Variants in ALDH1A2 observed in about 807,000 individuals in gnomAD.
ALDH1A2 encodes the protein aldehyde dehydrogenase 1 family member A2.
Under a neutral mutation model 60.3 loss-of-function variants are expected in ALDH1A2, and 27 were observed. The observed-to-expected ratio is 0.45, with a 90% CI of 0.33 to 0.62. The LOEUF is 0.62. Among genes scored for constraint, ALDH1A2 ranks in the 20% least tolerant of loss-of-function variants. The pLI, the probability that ALDH1A2 is intolerant of heterozygous loss-of-function variation, is 0.02. For synonymous variants in ALDH1A2, 289 were observed against 232.4 expected, an observed-to-expected ratio of 1.24 and a Z score of -2.21; for missense variants, 581 against 643.8, an observed-to-expected ratio of 0.90 and a Z score of 1.06.
intron 1 of ALDH1A2, among the ~76,000 whole-genome samples, chr15:58,032,418 A>T (rs1249738018): frequency 1.3e-5 from 2 of 152,166 alleles, no homozygotes; most frequent in Non-Finnish European, 1.5e-5. Flanking sequence ...TGAGTAGTTA[A>T]TGGGTGCAGC....
chr15:57,965,864 C>T, intron 7 of ALDH1A2, 37 bp from the exon 8 acceptor site: 1 of 1,553,004 alleles, frequency 6.4e-7, no homozygotes, highest in Non-Finnish European at 8.9e-7. Flanking sequence ...TTTGCAAATC[C>T]TGCAGGTGAG....
At position 57,962,036 on chromosome 15, in the gene ALDH1A2, A is replaced by G; in HGVS notation, c.1227T>C (p.Asp409=). ...CCTCCTCCTTGGCAATCCGCATATCATCAGTGACGTTGGAAAACACTGTGG... is the reference window on the plus strand; with the variant it reads ...CCTCCTCCTTGGCAATCCGCATATCGTCAGTGACGTTGGAAAACACTGTGG... The part of the protein sequence containing the change: ...IEPTVFSNVT[D]DMRIAKEEIF... The change falls in exon 10 of 13, where the codon GAT becomes GAC. Residue 409 remains aspartate (D), a synonymous_variant. Coordinates refer to ENST00000249750, the MANE Select transcript of ALDH1A2 (RefSeq NM_003888.4). 12 of 1,614,156 alleles carry G rather than the reference A, an allele frequency of 7.4e-6. No individual in the cohort carries two copies. The highest frequency in any genetic ancestry group is 1.0e-5 in the Non-Finnish European group (12 of 1,180,000).
Position 58,037,489 on chromosome 15 carries a change from T to C in ALDH1A2, c.118-23208A>G, listed in dbSNP as rs142890512. On this transcript the variant is annotated intron_variant, in intron 1 of 12. Transcript: ENST00000249750. Reference sequence around the variant, plus strand: ...GGCATTCAATACTTAAACTATTCAATGTTGAATAACTAGCTTTATTTTTTT... The same window carrying C: ...GGCATTCAATACTTAAACTATTCAACGTTGAATAACTAGCTTTATTTTTTT... 2.4e-3 allele frequency among the ~76,000 whole-genome samples: 361 copies of C among 151,838 alleles called. 1 individual carries two copies. Among genetic ancestry groups the C allele is most frequent in the African/African-American group, 8.4e-3 (348 of 41,506 alleles).
rs1184710982 is a variant in ALDH1A2 at position 57,955,203 on chromosome 15, GTTC to G, written c.1548_1550del (p.Lys516del). The G allele has an allele frequency of 6.2e-7, 1 of 1,614,150 alleles. No homozygotes were observed. Among genetic ancestry groups the G allele is most frequent in the East Asian group, 2.2e-5 (1 of 44,864 alleles). On this transcript the variant is annotated inframe_deletion, in exon 13 of 13. Coordinates refer to ENST00000249750, the MANE Select transcript of ALDH1A2 (RefSeq NM_003888.4). ...ATCCTCCTTCTTGGCCTTCTTAGGA[GTTC>G]TTCTGGGGGATCTTTACTGTCACCG...
At chr15:58,023,883 G>T (rs1470716278) in intron 1 of ALDH1A2, among the ~76,000 whole-genome samples, 1 of 152,074 alleles carries the variant, frequency 6.6e-6, no homozygotes, top group Non-Finnish European at 1.5e-5. Context: ...CCTGAGGTTG[G>T]GAGCTCAAGA....
At chr15:57,956,732 A>G (rs1236917014) in intron 12 of ALDH1A2, among the ~76,000 whole-genome samples, 1 of 152,116 alleles carries the variant, frequency 6.6e-6, no homozygotes, top group Admixed American at 6.5e-5. Flanking sequence ...TCCTTGGGCA[A>G]TTCTGAATGT....
At chr15:58,014,710 T>C (rs748555147) in intron 1 of ALDH1A2, among the ~76,000 whole-genome samples, 6 of 152,220 alleles carry the variant, frequency 3.9e-5, no homozygotes, top group Non-Finnish European at 5.9e-5. Flanking sequence ...TCAAGGAAAC[T>C]TGAATGGTGC....
chr15:57,982,381 A>G lies in ALDH1A2; in HGVS notation c.798+10324T>C, dbSNP rs35514555. Among the ~76,000 whole-genome samples, 1,237 of 152,322 alleles carry G rather than the reference A, an allele frequency of 8.1e-3. 21 individuals carry two copies. The highest frequency in any genetic ancestry group is 0.028 in the African/African-American group (1,168 of 41,572). ...ATTCCTTTAGTATGATTTGAAGACT[A>G]TGTTCAAAACTTACTGAAAAAGTGA... On this transcript the variant is annotated intron_variant, in intron 7 of 12. Coordinates refer to ENST00000249750, the MANE Select transcript of ALDH1A2 (RefSeq NM_003888.4).
chr15:57,985,477 G>T (rs1894666128), intron 7 of ALDH1A2, among the ~76,000 whole-genome samples: 1 of 152,126 alleles, frequency 6.6e-6, no homozygotes. Flanking sequence ...TGAGAAACAG[G>T]TATGTATGCT....
chr15:58,035,094 CT>C (rs1250770970), intron 1 of ALDH1A2, among the ~76,000 whole-genome samples: 1 of 151,558 alleles, frequency 6.6e-6, no homozygotes, highest in African/African-American at 2.4e-5. Flanking sequence ...TTAGTGCTTT[CT>C]TTTTTGAAAG....
intron 7 of ALDH1A2, among the ~76,000 whole-genome samples, chr15:57,988,127 AAAC>A (rs1346696159): frequency 6.6e-6 from 1 of 152,210 alleles, no homozygotes; most frequent in African/African-American, 2.4e-5. Context: ...TTTAAAACAA[AAAC>A]AGCAGCAATG....
chr15:58,005,586 AC>A (rs1363138293), intron 4 of ALDH1A2, among the ~76,000 whole-genome samples: 1 of 152,044 alleles, frequency 6.6e-6, no homozygotes, highest in African/African-American at 2.4e-5. Context: ...TGAGTGAAAG[AC>A]ATAATGGCTT....
intron 7 of ALDH1A2, among the ~76,000 whole-genome samples, chr15:57,972,422 C>G (rs1422060420): frequency 6.6e-6 from 1 of 152,194 alleles, no homozygotes; most frequent in African/African-American, 2.4e-5. Context: ...CTTTAAAAAT[C>G]AAGGTTTTGA....
At chr15:58,060,397 A>G (rs144638720) in intron 1 of ALDH1A2, among the ~76,000 whole-genome samples, 2,669 of 151,248 alleles carry the variant, frequency 0.018, 70 homozygotes, top group Admixed American at 0.08. Flanking sequence ...AGATACTATT[A>G]TCTCAATGAT....
At chr15:58,014,456 T>C (rs1229870474) in intron 1 of ALDH1A2, 175 bp from the exon 2 acceptor site, 3 of 670,590 alleles carry the variant, frequency 4.5e-6, no homozygotes, top group African/African-American at 1.8e-5. Flanking sequence ...ATTTCCTCTA[T>C]ATTTTTGCTT....
chr15:57,957,064 G>T (rs565686884), intron 12 of ALDH1A2, among the ~76,000 whole-genome samples: 3 of 152,266 alleles, frequency 2.0e-5, no homozygotes, highest in African/African-American at 7.2e-5. Context: ...GCTACCAAAA[G>T]AACTGCTCTG....
rs1432338324 is a variant in ALDH1A2 at position 57,972,740 on chromosome 15, A to G, written c.799-6913T>C. Among the ~76,000 whole-genome samples the G allele has an allele frequency of 2.6e-5, 4 of 152,232 alleles. No homozygotes were observed. The East Asian group carries it at 7.7e-4, about 29-fold the overall frequency. ...CCTACACAACCAAAGGTTTTTCCACATGAAACTGGTTTTTTCAATATTTTC... is the reference window on the plus strand; with the variant it reads ...CCTACACAACCAAAGGTTTTTCCACGTGAAACTGGTTTTTTCAATATTTTC... On this transcript the variant is annotated intron_variant, in intron 7 of 12. Transcript: ENST00000249750.
chr15:58,019,163 A>C (rs1238738841), intron 1 of ALDH1A2, among the ~76,000 whole-genome samples: 1 of 152,164 alleles, frequency 6.6e-6, no homozygotes, highest in African/African-American at 2.4e-5. Context: ...GCAAAAAAAA[A>C]AGTTTAAAAG....
intron 12 of ALDH1A2, among the ~76,000 whole-genome samples, chr15:57,958,143 G>C (rs1038447515): frequency 6.6e-6 from 1 of 152,134 alleles, no homozygotes; most frequent in Non-Finnish European, 1.5e-5. Context: ...TGGGTCCCTA[G>C]ATACGCATGC....
Sources: gnomAD v4.1 joint callset for allele counts (sites outside exome capture counted in the v4.1 genomes callset) on GRCh38, gnomAD v4.1.1 for gene constraint, MANE v1.5 for transcripts, NCBI Gene and HGNC (gene_info 2026-07-23, HGNC 2026-07-21) for gene names.